Variants in DRC11 observed in about 807,000 individuals in gnomAD.
The protein encoded by DRC11 is dynein regulatory complex subunit 11.
At chr2:236,358,144 A>G in the DRC11 span, among the ~76,000 whole-genome samples, 2 of 87,676 alleles carry the variant, frequency 2.3e-5, no homozygotes, top group Non-Finnish European at 4.7e-5. Flanking sequence ...ATAATATATA[A>G]ATAGATATAT....
the DRC11 span, among the ~76,000 whole-genome samples, chr2:236,495,774 AC>A: frequency 2.0e-5 from 3 of 152,152 alleles, no homozygotes; most frequent in African/African-American, 7.2e-5. The surrounding 1 kb of genome is among the most constrained non-coding windows in gnomAD (Gnocchi z 5.6). Context: ...TGGTTCAGTC[AC>A]TATTTCTAGG....
chr2:236,396,571 G>C, the DRC11 span, among the ~76,000 whole-genome samples: 2 of 152,032 alleles, frequency 1.3e-5, no homozygotes, highest in African/African-American at 4.8e-5. Flanking sequence ...CTTTTGGGCC[G>C]GTCAGCAGGT....
At chr2:236,427,215 T>C in the DRC11 span, among the ~76,000 whole-genome samples, 1 of 152,236 alleles carries the variant, frequency 6.6e-6, no homozygotes, top group Non-Finnish European at 1.5e-5. The surrounding 1 kb of genome is among the most constrained non-coding windows in gnomAD (Gnocchi z 5.9). Context: ...TCTATGTTCA[T>C]CATGAACATT....
chr2:236,344,766 C>T, the DRC11 span: 1 of 683,728 alleles, frequency 1.5e-6, no homozygotes, highest in Non-Finnish European at 2.5e-6. Context: ...GTGCTTCCCT[C>T]TGGGGTGTGC....
chr2:236,463,334 C>A, the DRC11 span, among the ~76,000 whole-genome samples: 1 of 152,190 alleles, frequency 6.6e-6, no homozygotes, highest in Non-Finnish European at 1.5e-5. This position sits in a 1 kb window ranked among gnomAD's most constrained non-coding sequence, Gnocchi z 5.0. Flanking sequence ...CAGCAGCCCT[C>A]TGTCTCCATT....
At chr2:236,330,783 G>A in the DRC11 span, among the ~76,000 whole-genome samples, 2 of 152,206 alleles carry the variant, frequency 1.3e-5, no homozygotes, top group African/African-American at 4.8e-5. The surrounding 1 kb of genome is among the most constrained non-coding windows in gnomAD (Gnocchi z 5.5). Context: ...TTTGAGGAGT[G>A]CCTGCTGGCC....
At chr2:236,318,018 G>A in the DRC11 span, among the ~76,000 whole-genome samples, 3 of 152,236 alleles carry the variant, frequency 2.0e-5, no homozygotes, top group Non-Finnish European at 4.4e-5. This position sits in a 1 kb window ranked among gnomAD's most constrained non-coding sequence, Gnocchi z 7.0. Context: ...CGGTGTAGGG[G>A]AGCCACACTG....
At chr2:236,363,333 G>C in the DRC11 span, among the ~76,000 whole-genome samples, 3 of 152,180 alleles carry the variant, frequency 2.0e-5, no homozygotes, top group African/African-American at 7.2e-5. The surrounding 1 kb of genome is among the most constrained non-coding windows in gnomAD (Gnocchi z 5.6). Flanking sequence ...TACTCTGGTC[G>C]GCTTAGGTGC....
chr2:236,410,005 G>T, the DRC11 span, among the ~76,000 whole-genome samples: 2 of 152,082 alleles, frequency 1.3e-5, no homozygotes, highest in Non-Finnish European at 2.9e-5. Flanking sequence ...GCTGGATTCG[G>T]TTTGCCAGCA....
At chr2:236,411,562 T>C in the DRC11 span, among the ~76,000 whole-genome samples, 40 of 151,742 alleles carry the variant, frequency 2.6e-4, no homozygotes, top group South Asian at 3.8e-3. Flanking sequence ...ACCCAAAGGA[T>C]TATAAATCAT....
At chr2:236,483,905 C>T in the DRC11 span, among the ~76,000 whole-genome samples, 2 of 152,218 alleles carry the variant, frequency 1.3e-5, no homozygotes, top group African/African-American at 2.4e-5. The surrounding 1 kb of genome is among the most constrained non-coding windows in gnomAD (Gnocchi z 4.8). Context: ...AATATTTATA[C>T]AAGAAGACTT....
chr2:236,409,277 T>A, the DRC11 span, among the ~76,000 whole-genome samples: 1 of 152,192 alleles, frequency 6.6e-6, no homozygotes, highest in African/African-American at 2.4e-5. Flanking sequence ...GCTAATTTTA[T>A]AAAAATTGTT....
At chr2:236,469,802 A>T in the DRC11 span, among the ~76,000 whole-genome samples, 1 of 152,370 alleles carries the variant, frequency 6.6e-6, no homozygotes, top group East Asian at 1.9e-4. The surrounding 1 kb of genome is among the most constrained non-coding windows in gnomAD (Gnocchi z 5.8). Context: ...TTGTTAACTC[A>T]CTGCATAAAC....
At chr2:236,504,309 T>C in the DRC11 span, among the ~76,000 whole-genome samples, 1 of 152,174 alleles carries the variant, frequency 6.6e-6, no homozygotes, top group Non-Finnish European at 1.5e-5. This position sits in a 1 kb window ranked among gnomAD's most constrained non-coding sequence, Gnocchi z 5.0. Flanking sequence ...TAAGTTTCCT[T>C]TGTACAGATA....
At chr2:236,310,978 G>A in the DRC11 span, among the ~76,000 whole-genome samples, 1 of 152,170 alleles carries the variant, frequency 6.6e-6, no homozygotes, top group African/African-American at 2.4e-5. This position sits in a 1 kb window ranked among gnomAD's most constrained non-coding sequence, Gnocchi z 5.5. Context: ...TTTCCACTTG[G>A]AGTAAAATCT....
chr2:236,449,498 C>T, the DRC11 span, among the ~76,000 whole-genome samples: 1 of 152,238 alleles, frequency 6.6e-6, no homozygotes, highest in Non-Finnish European at 1.5e-5. This position sits in a 1 kb window ranked among gnomAD's most constrained non-coding sequence, Gnocchi z 5.1. Flanking sequence ...GAAGGTTTTC[C>T]ACCCGAGCCC....
At chr2:236,465,033 CT>C in the DRC11 span, among the ~76,000 whole-genome samples, 1 of 152,074 alleles carries the variant, frequency 6.6e-6, no homozygotes, top group Admixed American at 6.5e-5. The surrounding 1 kb of genome is among the most constrained non-coding windows in gnomAD (Gnocchi z 6.2). Context: ...TCAGATATTT[CT>C]TTATAGCAAT....
chr2:236,416,667 C>T, the DRC11 span, among the ~76,000 whole-genome samples: 2 of 143,662 alleles, frequency 1.4e-5, no homozygotes, highest in Non-Finnish European at 3.0e-5. Context: ...CAGTCATGCC[C>T]GGAGCTTTGA....
At chr2:236,375,155 A>G in the DRC11 span, among the ~76,000 whole-genome samples, 1 of 152,070 alleles carries the variant, frequency 6.6e-6, no homozygotes, top group South Asian at 2.1e-4. This position sits in a 1 kb window ranked among gnomAD's most constrained non-coding sequence, Gnocchi z 4.2. Flanking sequence ...TTATAATTCT[A>G]CATGAGGTTT....
Sources: gnomAD v4.1 joint callset for allele counts (sites outside exome capture counted in the v4.1 genomes callset) on GRCh38, gnomAD v4.1.1 for gene constraint, Gnocchi (gnomAD v3.1) non-coding constraint, MANE v1.5 for transcripts, NCBI Gene and HGNC (gene_info 2026-07-23, HGNC 2026-07-21) for gene names.